The following PRKD3 variants were observed in gnomAD, a reference collection of about 807,000 sequenced individuals.
PRKD3 encodes protein kinase D3.
A neutral mutation model predicts 99.2 loss-of-function variants in PRKD3; 47 were observed. That is an observed-to-expected ratio of 0.47 (90% CI 0.38 to 0.60). The LOEUF (loss-of-function observed/expected upper bound fraction) is 0.60. Ranked by LOEUF, PRKD3 falls within the 20% of genes least tolerant of loss-of-function variation. PRKD3 has a pLI of 0.00. For missense variants in PRKD3, 1,019 were observed against 1,088.4 expected, an observed-to-expected ratio of 0.94 and a Z score of 0.90; for synonymous variants, 392 against 355.4, an observed-to-expected ratio of 1.10 and a Z score of -1.16.
Position 37,274,544 on chromosome 2 carries a change from G to A in PRKD3, c.1528C>T (p.Leu510Phe), listed in dbSNP as rs1422644465. The change falls in exon 11 of 19, where the codon CTT becomes TTT. Residue 510 changes from leucine to phenylalanine, a missense_variant. Around this residue, in one of 3 missense-constraint regions of PRKD3, gnomAD observed 710 missense variants for 692.7 expected, o/e 1.02. Transcript: ENST00000234179. ...NNGDSSHNPVLAATGVGLDVA... is the reference protein window; with the variant it reads ...NNGDSSHNPVFAATGVGLDVA... ...TCAAGTCCAACTCCAGTGGCAGCAA[G>A]AACAGGATTATGAGAGCTGTCCCCA... 1 of 1,614,116 alleles carries A rather than the reference G, an allele frequency of 6.2e-7. No individual in the cohort carries two copies. The highest frequency in any genetic ancestry group is 2.2e-5 in the East Asian group (1 of 44,872).
chr2:37,306,118 T>C (rs1234043568), intron 2 of PRKD3, among the ~76,000 whole-genome samples: 1 of 151,598 alleles, frequency 6.6e-6, no homozygotes, highest in Non-Finnish European at 1.5e-5. Flanking sequence ...GTTAATGTAA[T>C]TTCAAGGTTG....
intron 2 of PRKD3, among the ~76,000 whole-genome samples, chr2:37,313,698 T>C (rs1409253340): frequency 2.6e-5 from 4 of 152,340 alleles, no homozygotes; most frequent in African/African-American, 4.8e-5. Flanking sequence ...ACACCAAGTA[T>C]TAGTCCCTCA....
Position 37,277,990 on chromosome 2 carries a change from C to A in PRKD3, c.1173-1G>T. The A allele has an allele frequency of 1.3e-6, 2 of 1,591,040 alleles. No homozygotes were observed. The highest frequency in any genetic ancestry group is 1.7e-6 in the Non-Finnish European group (2 of 1,166,924). On this transcript the variant is annotated splice_acceptor_variant, in intron 8 of 18. Transcript: ENST00000234179. LOFTEE classifies it high-confidence loss of function. ...CGGAATATTATTGCTTGTTGATGGA[C>A]TAAAAAATATTTAAAATTTGTAAGT...
At chr2:37,302,461 G>A (rs922107472) in intron 2 of PRKD3, among the ~76,000 whole-genome samples, 9 of 152,028 alleles carry the variant, frequency 5.9e-5, no homozygotes, top group African/African-American at 1.4e-4. Context: ...CATTTTAGAC[G>A]TTATTTTTTA....
rs751237903 is a variant in PRKD3 at position 37,316,443 on chromosome 2, G to C, written c.82C>G (p.Pro28Ala). Reference sequence around the variant, plus strand: ...AGTCCCGTCTTAGGACTTGAACACGGAGAAGCAGCTGGAAGCACAGCAGGA... The same window carrying C: ...AGTCCCGTCTTAGGACTTGAACACGCAGAAGCAGCTGGAAGCACAGCAGGA... ...AIPAVLPAAS[P>A]CSSPKTGLSA... is the part of the protein sequence containing the mutation. Residue 28 changes from proline to alanine, a missense_variant, in exon 2 of 19, where the codon CCG becomes GCG. Pro to Ala is a conservative substitution (Grantham distance 27). This residue lies in a region of PRKD3 where 710 missense variants were observed against 692.7 expected (regional missense o/e 1.02). Coordinates refer to ENST00000234179, the MANE Select transcript of PRKD3 (RefSeq NM_005813.6). 1 of 1,614,258 alleles carries C rather than the reference G, an allele frequency of 6.2e-7. No individual in the cohort carries two copies. The highest frequency in any genetic ancestry group is 1.3e-5 in the African/African-American group (1 of 75,068).
Position 37,292,973 on chromosome 2 carries a change from A to G in PRKD3, c.427+160T>C, listed in dbSNP as rs954809521. ...TTTTCTTTCTTAATGGTGATATAACATGCCTGAAAGGAAAAATCATATGGT... is the reference window on the plus strand; with the variant it reads ...TTTTCTTTCTTAATGGTGATATAACGTGCCTGAAAGGAAAAATCATATGGT... On this transcript the variant is annotated intron_variant, in intron 3 of 18. Coordinates refer to ENST00000234179, the MANE Select transcript of PRKD3 (RefSeq NM_005813.6). 3.8e-6 allele frequency: 3 copies of G among 788,684 alleles called. No individual in the cohort carries two copies. The African/African-American group carries it at 5.2e-5, about 14-fold the overall frequency. The allele number at this position is 788,684 out of a possible 1,614,324, so 48.9% of individuals were successfully genotyped here.
intron 14 of PRKD3, among the ~76,000 whole-genome samples, chr2:37,263,775 C>T (rs1271236147): frequency 6.6e-6 from 1 of 152,138 alleles, no homozygotes; most frequent in Non-Finnish European, 1.5e-5. Flanking sequence ...AAGAGACATG[C>T]ACCTCTGCTT....
intron 11 of PRKD3, among the ~76,000 whole-genome samples, 196 bp from the exon 12 acceptor site, chr2:37,272,628 A>G (rs377272261): frequency 1.8e-4 from 28 of 152,330 alleles, no homozygotes; most frequent in African/African-American, 6.7e-4. Flanking sequence ...ACAAAAGAAT[A>G]CTATCTCAAC....
chr2:37,256,792 T>G lies in PRKD3; in HGVS notation c.2283A>C (p.Ser761=), dbSNP rs990001165. 6.2e-7 allele frequency: 1 copy of G among 1,614,088 alleles called. No individual in the cohort carries two copies. The highest frequency in any genetic ancestry group is 1.3e-5 in the African/African-American group (1 of 75,010). ...KGYNRSLDMW[S]VGVIIYVSLS... is the part of the protein sequence containing the mutation. The stretch of plus-strand genomic sequence containing the variant: ...GGCTCACATAGATGATAACTCCCAC[T>G]GACCACATATCTAGGGAACGGTTGT... The change falls in exon 17 of 19, where the codon TCA becomes TCC. Residue 761 remains serine, a synonymous_variant. Transcript: ENST00000234179.
In PRKD3 at chr2:37,267,019, C is replaced by T. The variant is rs562937923; in HGVS notation, c.1884+411G>A. 3.9e-5 allele frequency among the ~76,000 whole-genome samples: 6 copies of T among 152,144 alleles called. No homozygotes were observed. In the South Asian group the frequency reaches 6.2e-4, roughly 16 times the overall value. On this transcript the variant is annotated intron_variant, in intron 14 of 18. Coordinates refer to ENST00000234179, the MANE Select transcript of PRKD3 (RefSeq NM_005813.6). ...ATATATCTTTAAAATACGCCCCAAT[C>T]GACTAAGCCATTACAAAATTAGAGT... is the stretch of plus-strand genomic sequence containing the variant.
intron 2 of PRKD3, among the ~76,000 whole-genome samples, chr2:37,299,559 C>CA (rs36078307): frequency 7.3e-6 from 1 of 136,998 alleles, no homozygotes; most frequent in Non-Finnish European, 1.6e-5. Context: ...CACACACACA[C>CA]AAGCTTCTGC....
Position 37,317,088 on chromosome 2 carries a change from G to C in PRKD3, c.-564C>G. On this transcript the variant is annotated 5_prime_UTR_variant, in exon 2 of 19. Transcript: ENST00000234179. Reference sequence around the variant, plus strand: ...CTGGGGGGATGAACTTTTCTATGACGAAATACAAAGCTTTTTAAAATAGTA... The same window carrying C: ...CTGGGGGGATGAACTTTTCTATGACCAAATACAAAGCTTTTTAAAATAGTA... The C allele has an allele frequency of 1.0e-6, 1 of 985,056 alleles. No individual in the cohort carries two copies. Among genetic ancestry groups the C allele is most frequent in the African/African-American group, 1.7e-5 (1 of 57,280 alleles). 61.0% of individuals were successfully genotyped at this position (985,056 alleles called of 1,614,324 possible). A position where few individuals can be genotyped will look rare whatever the true frequency, so the allele number is the denominator to read the frequency against.
At chr2:37,285,348 TA>T (rs1208064520) in intron 6 of PRKD3, among the ~76,000 whole-genome samples, 1 of 152,204 alleles carries the variant, frequency 6.6e-6, no homozygotes, top group Non-Finnish European at 1.5e-5. Context: ...AGTATGCTGT[TA>T]AAAACTTGTT....
chr2:37,278,521 A>G (rs1444837930), intron 8 of PRKD3: 2 of 152,346 alleles, frequency 1.3e-5, no homozygotes, highest in East Asian at 3.8e-4. Context: ...AACAAGTCAA[A>G]TCAGCACTGA....
intron 6 of PRKD3, among the ~76,000 whole-genome samples, chr2:37,283,510 C>T (rs576076592): frequency 2.0e-5 from 3 of 152,206 alleles, no homozygotes; most frequent in South Asian, 4.1e-4. Context: ...TGACATAAGC[C>T]CCATGAAATG....
intron 10 of PRKD3, 29 bp from the exon 11 acceptor site, chr2:37,274,726 T>C: frequency 1.3e-6 from 2 of 1,582,770 alleles, no homozygotes; most frequent in Non-Finnish European, 8.6e-7. Flanking sequence ...CATTGAAAAA[T>C]AAGAATAGAT....
chr2:37,282,658 G>A (rs1304216072), intron 6 of PRKD3, 39 bp from the exon 7 acceptor site: 2 of 1,367,334 alleles, frequency 1.5e-6, no homozygotes, highest in Non-Finnish European at 2.1e-6. Context: ...TTATGTAAAA[G>A]TCAAGCAGTA....
Position 37,274,528 on chromosome 2 carries a change from A to G in PRKD3, c.1544T>C (p.Val515Ala). The G allele has an allele frequency of 6.2e-7, 1 of 1,614,058 alleles. No homozygotes were observed. Among genetic ancestry groups the G allele is most frequent in the Non-Finnish European group, 8.5e-7 (1 of 1,179,984 alleles). The change falls in exon 11 of 19, where the codon GTT becomes GCT. Residue 515 changes from valine to alanine, a missense_variant. By Grantham distance (64) the Val-to-Ala change is moderately conservative (BLOSUM62 0). Around this residue, in one of 3 missense-constraint regions of PRKD3, gnomAD observed 710 missense variants for 692.7 expected, o/e 1.02. Coordinates refer to ENST00000234179, the MANE Select transcript of PRKD3 (RefSeq NM_005813.6). ...SHNPVLAATG[V>A]GLDVAQSWEK... Reference sequence around the variant, plus strand: ...CCAGCTCTGTGCTACATCAAGTCCAACTCCAGTGGCAGCAAGAACAGGATT... The same window carrying G: ...CCAGCTCTGTGCTACATCAAGTCCAGCTCCAGTGGCAGCAAGAACAGGATT...
At chr2:37,286,407 T>C (rs1670097891) in intron 5 of PRKD3, 38 bp from the exon 6 acceptor site, 2 of 1,558,202 alleles carry the variant, frequency 1.3e-6, no homozygotes, top group Admixed American at 3.4e-5. Flanking sequence ...TAAGTCAATA[T>C]TAAAAACAGA....
Sources: gnomAD v4.1 joint callset for allele counts (sites outside exome capture counted in the v4.1 genomes callset) on GRCh38, gnomAD v4.1.1 for gene constraint, gnomAD v4.1.1 regional missense constraint, MANE v1.5 for transcripts, NCBI Gene and HGNC (gene_info 2026-07-23, HGNC 2026-07-21) for gene names.